The following CCDC148 variants were observed in gnomAD, a reference collection of about 807,000 sequenced individuals.
CCDC148 encodes the protein coiled-coil domain-containing protein 148.
A neutral mutation model predicts 85.7 loss-of-function variants in CCDC148; 89 were observed. That is an observed-to-expected ratio of 1.04 (90% CI 0.87 to 1.24). The LOEUF (loss-of-function observed/expected upper bound fraction) is 1.24, where lower values mean the gene tolerates loss of function less well. CCDC148 is among the 50% of genes most tolerant of loss of function. CCDC148 has a pLI of 0.00. For synonymous variants in CCDC148, 230 were observed against 213.9 expected (o/e 1.08, Z -0.66); for missense variants, 692 against 671.7 (o/e 1.03, Z -0.33).
At chr2:158,397,288 A>G (rs1404765306) in intron 1 of CCDC148, among the ~76,000 whole-genome samples, 1 of 152,140 alleles carries the variant, frequency 6.6e-6, no homozygotes, top group Non-Finnish European at 1.5e-5. Flanking sequence ...CACTACAAAG[A>G]TAATCCTCGA....
At chr2:158,303,075 A>T (rs912828763) in intron 9 of CCDC148, among the ~76,000 whole-genome samples, 7 of 152,196 alleles carry the variant, frequency 4.6e-5, no homozygotes, top group Middle Eastern at 3.2e-3. Flanking sequence ...AGAGCACGAG[A>T]GCATTATTTC....
chr2:158,392,165 A>G (rs1390309124), intron 1 of CCDC148, among the ~76,000 whole-genome samples: 1 of 152,054 alleles, frequency 6.6e-6, no homozygotes, highest in Admixed American at 6.6e-5. Flanking sequence ...CCCATCCTAT[A>G]TTCATTCTTC....
chr2:158,307,079 A>T (rs1165056010), intron 9 of CCDC148, among the ~76,000 whole-genome samples: 1 of 151,716 alleles, frequency 6.6e-6, no homozygotes, highest in African/African-American at 2.4e-5. Context: ...ATTTAAAAAT[A>T]AAAAAAAGTA....
At chr2:158,254,364 A>G (rs1008515265) in intron 9 of CCDC148, among the ~76,000 whole-genome samples, 3 of 151,698 alleles carry the variant, frequency 2.0e-5, no homozygotes, top group African/African-American at 7.2e-5. Context: ...TAGATACTTA[A>G]TACTAACAGA....
intron 9 of CCDC148, among the ~76,000 whole-genome samples, chr2:158,279,507 A>C (rs1174268368): frequency 2.6e-5 from 4 of 152,252 alleles, no homozygotes; most frequent in African/African-American, 9.6e-5. Context: ...GATGTGATCA[A>C]CTGGAAGAAA....
chr2:158,355,858 C>A (rs2105263473), intron 2 of CCDC148, among the ~76,000 whole-genome samples: 1 of 134,090 alleles, frequency 7.5e-6, no homozygotes, highest in South Asian at 2.3e-4. Context: ...ACCAAAACAG[C>A]ATGGTACTGG....
chr2:158,220,091 T>G (rs995579052), intron 11 of CCDC148, among the ~76,000 whole-genome samples: 1 of 152,234 alleles, frequency 6.6e-6, no homozygotes, highest in Non-Finnish European at 1.5e-5. Context: ...GGCTACTTGA[T>G]CTCAAATGTC....
chr2:158,307,597 T>C (rs1691755476), intron 9 of CCDC148, among the ~76,000 whole-genome samples: 1 of 152,196 alleles, frequency 6.6e-6, no homozygotes, highest in Admixed American at 6.5e-5. Flanking sequence ...ACAAAAGACA[T>C]GTTCAAGAAT....
At chr2:158,421,385 T>C (rs1471100337) in intron 1 of CCDC148, among the ~76,000 whole-genome samples, 1 of 152,168 alleles carries the variant, frequency 6.6e-6, no homozygotes, top group African/African-American at 2.4e-5. Flanking sequence ...TATAACAAAC[T>C]GTCTCTCAGA....
chr2:158,179,385 C>T (rs1185512739), intron 11 of CCDC148, among the ~76,000 whole-genome samples: 1 of 151,902 alleles, frequency 6.6e-6, no homozygotes, highest in Non-Finnish European at 1.5e-5. Flanking sequence ...TCTCAATCTC[C>T]TGACCTCGTG....
intron 9 of CCDC148, among the ~76,000 whole-genome samples, chr2:158,287,708 C>T (rs950213821): frequency 6.6e-6 from 1 of 152,202 alleles, no homozygotes; most frequent in African/African-American, 2.4e-5. Flanking sequence ...CTTTCACGGG[C>T]TGGCATTGAA....
intron 11 of CCDC148, among the ~76,000 whole-genome samples, chr2:158,189,449 C>T (rs1009243537): frequency 9.2e-5 from 14 of 151,682 alleles, no homozygotes; most frequent in Admixed American, 4.6e-4. Flanking sequence ...AACTGATGGT[C>T]CATGGAATGT....
intron 9 of CCDC148, among the ~76,000 whole-genome samples, chr2:158,303,595 A>G (rs1397034046): frequency 1.3e-5 from 2 of 152,178 alleles, no homozygotes. Context: ...TAATTTACTG[A>G]GCTCAGTCCC....
At chr2:158,367,792 A>G (rs2105276644) in intron 1 of CCDC148, among the ~76,000 whole-genome samples, 1 of 152,304 alleles carries the variant, frequency 6.6e-6, no homozygotes, top group South Asian at 2.1e-4. Flanking sequence ...TAAATCATGT[A>G]TAATTTCTAC....
intron 9 of CCDC148, among the ~76,000 whole-genome samples, chr2:158,271,676 G>A (rs567251534): frequency 6.6e-6 from 1 of 152,244 alleles, no homozygotes; most frequent in South Asian, 2.1e-4. Context: ...TACTGTGCCT[G>A]ATTTATAAAT....
intron 2 of CCDC148, among the ~76,000 whole-genome samples, chr2:158,357,439 G>A (rs1174229867): frequency 6.6e-6 from 1 of 151,992 alleles, no homozygotes; most frequent in African/African-American, 2.4e-5. Context: ...ATGATTTCAT[G>A]CCTATGTTTA....
intron 3 of CCDC148, 38 bp downstream of exon 3, chr2:158,345,177 A>C: frequency 7.2e-7 from 1 of 1,395,652 alleles, no homozygotes; most frequent in Non-Finnish European, 1.0e-6. Context: ...TATTCCTAGT[A>C]ATTCCTACGT....
chr2:158,278,465 G>A (rs1463424038), intron 9 of CCDC148, among the ~76,000 whole-genome samples: 1 of 152,208 alleles, frequency 6.6e-6, no homozygotes, highest in Non-Finnish European at 1.5e-5. Context: ...TGGCGCACCA[G>A]GAGATTATAT....
At chr2:158,419,980 A>G (rs973542177) in intron 1 of CCDC148, 30 of 152,334 alleles carry the variant, frequency 2.0e-4, no homozygotes, top group African/African-American at 7.2e-4. Context: ...GCAGCAACCT[A>G]GTCTGCATGC....
Sources: gnomAD v4.1 joint callset for allele counts (sites outside exome capture counted in the v4.1 genomes callset) on GRCh38, gnomAD v4.1.1 for gene constraint, MANE v1.5 for transcripts, NCBI Gene and HGNC (gene_info 2026-07-23, HGNC 2026-07-21) for gene names.